The following LTC4S variants were observed in gnomAD, a reference collection of about 807,000 sequenced individuals.
The protein encoded by LTC4S is leukotriene C4 synthase.
LTC4S carries 18 observed loss-of-function variants against 19.6 expected under a neutral mutation model. The ratio of observed to expected loss-of-function variants is 0.92; its 90% confidence interval spans 0.64 to 1.36. The LOEUF (loss-of-function observed/expected upper bound fraction) is 1.36. Ranked by LOEUF, LTC4S falls within the 40% of genes most tolerant of loss-of-function variation. The pLI is 0.00. For synonymous variants in LTC4S, 126 were observed against 110.1 expected, an observed-to-expected ratio of 1.14 and a Z score of -0.91; for missense variants, 235 against 212.2, an observed-to-expected ratio of 1.11 and a Z score of -0.67.
rs1218177999 is a variant in LTC4S, at chr5:179,795,999, C to T, written c.288C>T (p.Gly96=). The change falls in exon 4 of 5, where the codon GGC becomes GGT. Residue 96 remains glycine, a synonymous_variant. Transcript: ENST00000292596. ...YLFARLRYFQ[G]YARSAQLRLA... is the part of the protein sequence containing the mutation. ...TCGCGCGCCTCCGCTACTTCCAGGGCTACGCGCGCTCCGCGCAGCTCAGGT... is the reference window on the plus strand; with the variant it reads ...TCGCGCGCCTCCGCTACTTCCAGGGTTACGCGCGCTCCGCGCAGCTCAGGT... 2 of 1,534,320 alleles carry T rather than the reference C, an allele frequency of 1.3e-6. No homozygotes were observed. Among genetic ancestry groups the T allele is most frequent in the East Asian group, 2.4e-5 (1 of 40,870 alleles).
Position 179,796,402 on chromosome 5 carries a change from GC to G in LTC4S, c.*13del, listed in dbSNP as rs1453345932. 9.4e-6 allele frequency: 14 copies of G among 1,483,064 alleles called. No individual in the cohort carries two copies. Among genetic ancestry groups the G allele is most frequent in the Middle Eastern group, 2.4e-4 (1 of 4,218 alleles). 91.9% of individuals were successfully genotyped at this position (1,483,064 alleles called of 1,614,324 possible). Reference sequence around the variant, plus strand: ...CTGCTGCCGTGGGCCTGAGACCAAGGCCCCCGGGCCGACGGAGCCGGGAAAG... The same window carrying G: ...CTGCTGCCGTGGGCCTGAGACCAAGGCCCCGGGCCGACGGAGCCGGGAAAG... On this transcript the variant is annotated 3_prime_UTR_variant, in exon 5 of 5. Coordinates refer to ENST00000292596, the MANE Select transcript of LTC4S (RefSeq NM_145867.2).
Position 179,795,963 on chromosome 5 carries a change from G to C in LTC4S, c.252G>C (p.Leu84=). The part of the protein sequence containing the change: ...FHEGAAALCG[L]VYLFARLRYF... ...CAGGGGCGGCGGCCCTGTGCGGCCT[G>C]GTCTACCTGTTCGCGCGCCTCCGCT... Residue 84 remains leucine (L), a synonymous_variant, in exon 4 of 5, where the codon CTG becomes CTC. Transcript: ENST00000292596. 5 of 1,551,150 alleles carry C rather than the reference G, an allele frequency of 3.2e-6. No homozygotes were observed. Among genetic ancestry groups the C allele is most frequent in the Non-Finnish European group, 4.3e-6 (5 of 1,154,292 alleles).
rs1278209613 is a variant in LTC4S at position 179,795,663 on chromosome 5, C to G, written c.138C>G (p.Phe46Leu). The G allele has an allele frequency of 1.0e-5, 16 of 1,607,520 alleles. No individual in the cohort carries two copies. Among genetic ancestry groups the G allele is most frequent in the East Asian group, 4.5e-5 (2 of 44,692 alleles). ...CGCTCACCACCGGCCCACCCGAGTT[C>G]GAGCGCGTCTACCGAGCCCAGTGAG... Reference protein sequence around the residue: ...SPPLTTGPPEFERVYRAQVNC... With the variant: ...SPPLTTGPPELERVYRAQVNC... Residue 46 changes from phenylalanine to leucine, a missense_variant, in exon 2 of 5, where the codon TTC becomes TTG. Coordinates refer to ENST00000292596, the MANE Select transcript of LTC4S (RefSeq NM_145867.2).
intron 4 of LTC4S, 65 bp from the exon 5 acceptor site, chr5:179,796,188 C>T (rs1359184623): frequency 3.8e-6 from 5 of 1,328,900 alleles, no homozygotes; most frequent in Non-Finnish European, 5.0e-6. Flanking sequence ...CCCCGTGGGG[C>T]CAGGGTTGCG....
intron 1 of LTC4S, 152 bp downstream of exon 1, chr5:179,794,290 T>A (rs1272146865): frequency 4.1e-6 from 4 of 986,668 alleles, no homozygotes; most frequent in Non-Finnish European, 6.2e-6. Context: ...GGGGGGCACC[T>A]GGCTGTGAGA....
intron 4 of LTC4S, 25 bp downstream of exon 4, chr5:179,796,047 C>A: frequency 1.9e-6 from 2 of 1,050,460 alleles, no homozygotes; most frequent in South Asian, 2.8e-5. Context: ...GGGAGCGGGG[C>A]GGGGCCGGGG....
Position 179,796,511 on chromosome 5 carries a change from G to A in LTC4S, c.*117G>A, listed in dbSNP as rs972451764. Reference sequence around the variant, plus strand: ...CTATCATTAAAGTTCTAGTGACCGAGACCCGGGCTGCGTTCTCTGGGTCCG... The same window carrying A: ...CTATCATTAAAGTTCTAGTGACCGAAACCCGGGCTGCGTTCTCTGGGTCCG... On this transcript the variant is annotated 3_prime_UTR_variant, in exon 5 of 5. Coordinates refer to ENST00000292596, the MANE Select transcript of LTC4S (RefSeq NM_145867.2). 2.4e-5 allele frequency: 31 copies of A among 1,309,936 alleles called. No homozygotes were observed. Among genetic ancestry groups the A allele is most frequent in the Non-Finnish European group, 2.7e-5 (28 of 1,026,748 alleles). 81.1% of individuals were successfully genotyped at this position (1,309,936 alleles called of 1,614,324 possible).
intron 1 of LTC4S, among the ~76,000 whole-genome samples, chr5:179,794,358 T>G (rs756729213): frequency 6.6e-6 from 1 of 152,126 alleles, no homozygotes; most frequent in Non-Finnish European, 1.5e-5. Flanking sequence ...AGCCATGGGC[T>G]TGGGGAAGCT....
At chr5:179,795,209 C>G (rs1756566606) in intron 1 of LTC4S, 1 of 320,756 alleles carries the variant, frequency 3.1e-6, no homozygotes, top group African/African-American at 2.2e-5. Context: ...CACTTCCTGG[C>G]CAGGGACCTG....
chr5:179,794,249 G>C, intron 1 of LTC4S, 111 bp downstream of exon 1: 1 of 1,381,596 alleles, frequency 7.2e-7, no homozygotes, highest in East Asian at 2.4e-5. Flanking sequence ...CCAGGCCCAA[G>C]CTGGAAGAGG....
intron 4 of LTC4S, 49 bp from the exon 5 acceptor site, chr5:179,796,204 G>C (rs1756617438): frequency 1.5e-6 from 2 of 1,372,726 alleles, no homozygotes; most frequent in Non-Finnish European, 1.9e-6. Flanking sequence ...TTGCGGCGGG[G>C]AAGAAGCGGG....
chr5:179,793,991 T>C lies in LTC4S; in HGVS notation c.-90T>C. On this transcript the variant is annotated 5_prime_UTR_variant, in exon 1 of 5. Transcript: ENST00000292596. ...GGGAGAGCACCGAGGCTGCTCTTCC[T>C]CTCCTGGGCCGTCCTCTGAGCAGCA... 10 of 1,602,948 alleles carry C rather than the reference T, an allele frequency of 6.2e-6. No individual in the cohort carries two copies. In the South Asian group the frequency reaches 1.1e-4, roughly 18 times the overall value.
At position 179,795,638 on chromosome 5, in the gene LTC4S, C is replaced by T. The variant is rs763477744; in HGVS notation, c.113C>T (p.Pro38Leu). ...SARRAFRVSP[P>L]LTTGPPEFER... is the part of the protein sequence containing the mutation. ...CGCAGGGCCTTCCGCGTGTCGCCGC[C>T]GCTCACCACCGGCCCACCCGAGTTC... The change falls in exon 2 of 5, where the codon CCG becomes CTG. Residue 38 changes from proline (P) to leucine (L), a missense_variant. Physicochemically the swap from Pro to Leu is moderately conservative, Grantham distance 98. Coordinates refer to ENST00000292596, the MANE Select transcript of LTC4S (RefSeq NM_145867.2). 2 of 1,609,866 alleles carry T rather than the reference C, an allele frequency of 1.2e-6. No individual in the cohort carries two copies. The highest frequency in any genetic ancestry group is 3.3e-5 in the Admixed American group (2 of 59,928).
rs750925670 is a variant in LTC4S at position 179,795,569 on chromosome 5, C to A, written c.59-15C>A. On this transcript the variant is annotated splice_polypyrimidine_tract_variant and intron_variant, in intron 1 of 4. Coordinates refer to ENST00000292596, the MANE Select transcript of LTC4S (RefSeq NM_145867.2). ...GGGTGTCCAGACCTGACTCCCGCTCCCCCTCCTCCCCCAGCCTACTTCTCC... is the reference window on the plus strand; with the variant it reads ...GGGTGTCCAGACCTGACTCCCGCTCACCCTCCTCCCCCAGCCTACTTCTCC... 1 of 1,602,774 alleles carries A rather than the reference C, an allele frequency of 6.2e-7. No individual in the cohort carries two copies. Among genetic ancestry groups the A allele is most frequent in the Non-Finnish European group, 8.5e-7 (1 of 1,175,206 alleles).
intron 1 of LTC4S, among the ~76,000 whole-genome samples, chr5:179,794,346 A>C (rs572497874): frequency 6.6e-6 from 1 of 152,214 alleles, no homozygotes; most frequent in East Asian, 1.9e-4. Context: ...AAATGGTAGG[A>C]TAGCCATGGG....
At chr5:179,795,334 C>T (rs1756568796) in intron 1 of LTC4S, 3 of 1,383,840 alleles carry the variant, frequency 2.2e-6, no homozygotes, top group African/African-American at 3.0e-5. Context: ...CCCCCATACA[C>T]TCACAGGTTG....
At position 179,795,815 on chromosome 5, in the gene LTC4S, T is replaced by A; in HGVS notation, c.188T>A (p.Phe63Tyr). Residue 63 changes from phenylalanine (F) to tyrosine (Y), a missense_variant, in exon 3 of 5, where the codon TTC becomes TAC. By Grantham distance (22) the Phe-to-Tyr change is conservative. Transcript: ENST00000292596. ...QVNCSEYFPL[F>Y]LATLWVAGIF... ...AACTGCAGCGAGTACTTCCCGCTGTTCCTCGCCACGCTCTGGGTCGCCGGC... is the reference window on the plus strand; with the variant it reads ...AACTGCAGCGAGTACTTCCCGCTGTACCTCGCCACGCTCTGGGTCGCCGGC... The A allele has an allele frequency of 1.2e-6, 2 of 1,606,186 alleles. No homozygotes were observed. Among genetic ancestry groups the A allele is most frequent in the Non-Finnish European group, 1.7e-6 (2 of 1,178,094 alleles).
Position 179,796,041 on chromosome 5 carries a change from G to T in LTC4S, c.311+19G>T. 6.6e-7 allele frequency: 1 copy of T among 1,504,898 alleles called. No individual in the cohort carries two copies. The allele number at this position is 1,504,898 out of a possible 1,614,324, so 93.2% of individuals were successfully genotyped here. A position where few individuals can be genotyped will look rare whatever the true frequency, so the allele number is the denominator to read the frequency against. On this transcript the variant is annotated intron_variant, in intron 4 of 4. Transcript: ENST00000292596. Reference sequence around the variant, plus strand: ...AGCTCAGGTGAGGGCCGGGCGGGGAGCGGGGCGGGGCCGGGGAAAGATCGC... The same window carrying T: ...AGCTCAGGTGAGGGCCGGGCGGGGATCGGGGCGGGGCCGGGGAAAGATCGC...
rs540038559 is a variant in LTC4S, at chr5:179,795,502, G to T, written c.59-82G>T. 15 of 1,536,058 alleles carry T rather than the reference G, an allele frequency of 9.8e-6. No homozygotes were observed. In the South Asian group the frequency reaches 1.8e-4, roughly 18 times the overall value. On this transcript the variant is annotated intron_variant, in intron 1 of 4. Transcript: ENST00000292596. ...AGGAGAGGACACGGCCAAGTGAAGG[G>T]CCAGATTGCAGGATCCCTCCCACTC...
Sources: allele counts gnomAD v4.1 joint callset (sites outside exome capture counted in the v4.1 genomes callset), GRCh38; gene constraint gnomAD v4.1.1; transcripts MANE v1.5; gene names NCBI Gene and HGNC (gene_info 2026-07-23, HGNC 2026-07-21).